Variants in GPC6 observed in about 807,000 individuals in gnomAD.
The protein encoded by GPC6 is glypican 6.
Under a neutral mutation model 55.2 loss-of-function variants are expected in GPC6, and 14 were observed. The ratio of observed to expected loss-of-function variants is 0.25; its 90% confidence interval spans 0.17 to 0.40. The LOEUF (loss-of-function observed/expected upper bound fraction) is 0.40, where lower values mean the gene tolerates loss of function less well. Among genes scored for constraint, GPC6 ranks in the 10% least tolerant of loss-of-function variants. GPC6 has a pLI of 1.00. For synonymous variants in GPC6, 278 were observed against 259.6 expected, an observed-to-expected ratio of 1.07 and a Z score of -0.68; for missense variants, 641 against 708.5, an observed-to-expected ratio of 0.90 and a Z score of 1.08.
intron 1 of GPC6, among the ~76,000 whole-genome samples, chr13:93,517,767 T>C (rs568029977): frequency 6.6e-6 from 1 of 152,100 alleles, no homozygotes; most frequent in South Asian, 2.1e-4. Flanking sequence ...ATAACTCCAG[T>C]GAGGGAATAC....
At chr13:93,817,011 A>G (rs919678569) in intron 2 of GPC6, among the ~76,000 whole-genome samples, 1 of 152,150 alleles carries the variant, frequency 6.6e-6, no homozygotes, top group African/African-American at 2.4e-5. Flanking sequence ...AATTGTGTAG[A>G]ATATTTGTTA....
intron 3 of GPC6, among the ~76,000 whole-genome samples, chr13:93,893,000 G>A (rs75814028): frequency 0.01 from 1,541 of 151,804 alleles, 21 homozygotes; most frequent in African/African-American, 0.035. Flanking sequence ...GCATATTGTC[G>A]TGTTGTCCTT....
At chr13:94,128,456 A>G (rs1390994979) in intron 4 of GPC6, among the ~76,000 whole-genome samples, 1 of 152,160 alleles carries the variant, frequency 6.6e-6, no homozygotes, top group Non-Finnish European at 1.5e-5. Context: ...TTTTCTTTCT[A>G]GCATTACATG....
At chr13:93,313,571 T>G (rs1211396576) in intron 1 of GPC6, among the ~76,000 whole-genome samples, 1 of 152,182 alleles carries the variant, frequency 6.6e-6, no homozygotes, top group African/African-American at 2.4e-5. Context: ...TAGAAATTTT[T>G]CCTATCCACT....
intron 1 of GPC6, among the ~76,000 whole-genome samples, chr13:93,472,023 T>C (rs1027908528): frequency 6.6e-6 from 1 of 152,210 alleles, no homozygotes; most frequent in Non-Finnish European, 1.5e-5. Flanking sequence ...ATTTTCACAA[T>C]TGTTGGTTTT....
At chr13:94,281,765 C>A (rs1300966548) in intron 4 of GPC6, among the ~76,000 whole-genome samples, 1 of 152,182 alleles carries the variant, frequency 6.6e-6, no homozygotes, top group Non-Finnish European at 1.5e-5. Flanking sequence ...GAATTGTTCC[C>A]TTCTTCCAAA....
At chr13:94,273,656 G>C (rs1892113449) in intron 4 of GPC6, among the ~76,000 whole-genome samples, 1 of 152,208 alleles carries the variant, frequency 6.6e-6, no homozygotes, top group African/African-American at 2.4e-5. Context: ...TGGTGTACCA[G>C]ATGGAGTGAG....
At chr13:93,330,467 C>T (rs1258951755) in intron 1 of GPC6, among the ~76,000 whole-genome samples, 1 of 151,786 alleles carries the variant, frequency 6.6e-6, no homozygotes, top group African/African-American at 2.4e-5. Flanking sequence ...GTTGAGGCTG[C>T]AGTGAGTCAT....
intron 6 of GPC6, among the ~76,000 whole-genome samples, chr13:94,378,146 T>C (rs1423607555): frequency 6.6e-6 from 1 of 152,088 alleles, no homozygotes; most frequent in Non-Finnish European, 1.5e-5. Context: ...TGTATACATA[T>C]GTAACTAACC....
intron 4 of GPC6, among the ~76,000 whole-genome samples, chr13:94,272,043 T>C (rs570891218): frequency 1.2e-3 from 190 of 152,122 alleles, no homozygotes; most frequent in Non-Finnish European, 2.0e-3. Context: ...TGTTTTGTTT[T>C]TCATTTTGGT....
chr13:93,224,335 C>T (rs1488289269), upstream of GPC6, among the ~76,000 whole-genome samples: 1 of 151,816 alleles, frequency 6.6e-6, no homozygotes, highest in African/African-American at 2.4e-5. Context: ...GCTGAGATTA[C>T]AGGCACGTGC....
At chr13:93,990,365 T>C (rs1881241193) in intron 3 of GPC6, among the ~76,000 whole-genome samples, 1 of 152,120 alleles carries the variant, frequency 6.6e-6, no homozygotes, top group Non-Finnish European at 1.5e-5. Context: ...GATGAAACAC[T>C]GTGACTTTCA....
intron 4 of GPC6, among the ~76,000 whole-genome samples, chr13:94,272,463 C>CTTTT (rs555664508): frequency 2.3e-3 from 195 of 85,696 alleles, no homozygotes; most frequent in Non-Finnish European, 2.8e-3. Context: ...CTTTTCTTTT[C>CTTTT]TTTTTTTTTT....
intron 2 of GPC6, among the ~76,000 whole-genome samples, chr13:93,555,937 C>A (rs1875438935): frequency 6.6e-6 from 1 of 152,160 alleles, no homozygotes; most frequent in Admixed American, 6.5e-5. Flanking sequence ...GGATGTAGAG[C>A]TGGGGCAAAG....
chr13:93,547,902 C>G (rs1874918386), intron 2 of GPC6, among the ~76,000 whole-genome samples: 1 of 152,086 alleles, frequency 6.6e-6, no homozygotes, highest in Admixed American at 6.5e-5. Flanking sequence ...GATTTATTTT[C>G]TTTTGTCTCA....
At chr13:93,604,637 G>A (rs1033138045) in intron 2 of GPC6, among the ~76,000 whole-genome samples, 4 of 151,958 alleles carry the variant, frequency 2.6e-5, no homozygotes, top group Admixed American at 6.6e-5. Flanking sequence ...AAAAATCGCA[G>A]TATAAGACAT....
intron 4 of GPC6, among the ~76,000 whole-genome samples, chr13:94,280,187 A>G (rs1892334890): frequency 6.6e-6 from 1 of 152,130 alleles, no homozygotes; most frequent in Admixed American, 6.6e-5. Context: ...TCCCTTTACC[A>G]TTATGTAATG....
At chr13:94,073,530 C>T (rs1243622462) in intron 4 of GPC6, among the ~76,000 whole-genome samples, 1 of 152,130 alleles carries the variant, frequency 6.6e-6, no homozygotes. Flanking sequence ...AATAATTTGC[C>T]ATTTTAATGT....
rs371633566 is a variant in GPC6 at position 94,386,260 on chromosome 13, T to C, written c.1289+3710T>C. ...CTGTAGTCCCAGCTACTCGGGAGGC[T>C]GAGGCAGGAGAATGGCATGAGCCTG... is the stretch of plus-strand genomic sequence containing the variant. On this transcript the variant is annotated intron_variant, in intron 7 of 8. Transcript: ENST00000377047. Among the ~76,000 whole-genome samples the C allele has an allele frequency of 2.1e-4, 32 of 151,758 alleles. No homozygotes were observed. In the East Asian group the frequency reaches 6.0e-3, roughly 29 times the overall value.
Sources: allele counts gnomAD v4.1 joint callset (sites outside exome capture counted in the v4.1 genomes callset), GRCh38; gene constraint gnomAD v4.1.1; transcripts MANE v1.5; gene names NCBI Gene and HGNC (gene_info 2026-07-23, HGNC 2026-07-21).